Variants in PPM1L observed in about 807,000 individuals in gnomAD.
PPM1L encodes the protein protein phosphatase 1L.
A neutral mutation model predicts 31.4 loss-of-function variants in PPM1L; 13 were observed. The ratio of observed to expected loss-of-function variants is 0.41; its 90% CI spans 0.27 to 0.66. PPM1L has a LOEUF of 0.66. Among genes scored for constraint, PPM1L ranks in the 30% least tolerant of loss-of-function variants. The pLI is 0.29. For missense variants in PPM1L, 326 were observed against 453.7 expected (o/e 0.72, Z 2.56); for synonymous variants, 184 against 175.4 (o/e 1.05, Z -0.39).
chr3:160,844,996 ATC>A (rs2108108151), intron 1 of PPM1L, among the ~76,000 whole-genome samples: 1 of 152,222 alleles, frequency 6.6e-6, no homozygotes, highest in East Asian at 1.9e-4. Context: ...TATAAATAGA[ATC>A]TGTGGTCTTT....
rs1329479430 is a variant in PPM1L, at chr3:161,065,439, A to C, written c.611A>C (p.Asp204Ala). The change falls in exon 3 of 4, where the codon GAC (aspartate) becomes GCC (alanine). Residue 204 changes from aspartate to alanine, a missense_variant. Physicochemically the swap from Asp to Ala is moderately radical, Grantham distance 126. This residue lies in a region of PPM1L where 201 missense variants were observed against 298.2 expected (regional missense o/e 0.67). Transcript: ENST00000498165. ...TTGATTGCTCTGCTATCAGATAAAGACCTCACTGTGGCCAACGTGGGTGAC... is the reference window on the plus strand; with the variant it reads ...TTGATTGCTCTGCTATCAGATAAAGCCCTCACTGTGGCCAACGTGGGTGAC... ...TCLIALLSDK[D>A]LTVANVGDSR... is the part of the protein sequence containing the mutation. 1 of 1,614,012 alleles carries C rather than the reference A, an allele frequency of 6.2e-7. No homozygotes were observed.
At chr3:160,910,572 A>G (rs1713937469) in intron 1 of PPM1L, among the ~76,000 whole-genome samples, 1 of 152,024 alleles carries the variant, frequency 6.6e-6, no homozygotes, top group Non-Finnish European at 1.5e-5. Flanking sequence ...CGGCCTCCCA[A>G]AGTGTTGGGA....
intron 2 of PPM1L, among the ~76,000 whole-genome samples, chr3:161,030,976 TG>T (rs1431252700): frequency 6.6e-6 from 1 of 152,188 alleles, no homozygotes; most frequent in Non-Finnish European, 1.5e-5. Context: ...CAAATGGACT[TG>T]ATCTCAAAAA....
chr3:160,808,289 C>CTGTG (rs10545216), intron 1 of PPM1L, among the ~76,000 whole-genome samples: 3,283 of 136,114 alleles, frequency 0.024, 65 homozygotes, highest in African/African-American at 0.027. Flanking sequence ...GGATTTTCCT[C>CTGTG]TGTGTGTGTG....
In PPM1L at chr3:160,961,790, C is replaced by G; in HGVS notation, c.454C>G (p.Gln152Glu). Residue 152 changes from glutamine to glutamate, a missense_variant, in exon 2 of 4, where the codon CAG (glutamine) becomes GAG (glutamate). Coordinates refer to ENST00000498165, the MANE Select transcript of PPM1L (RefSeq NM_139245.4). ...CCCAGAGGCCCTTAAACAGCATCTT[C>G]AGGACTACGAGAAAGACAAAGAAAA... ...RLPEALKQHL[Q>E]DYEKDKENSV... The G allele has an allele frequency of 1.2e-6, 2 of 1,603,968 alleles. No homozygotes were observed. The highest frequency in any genetic ancestry group is 1.7e-6 in the Non-Finnish European group (2 of 1,175,874).
intron 1 of PPM1L, among the ~76,000 whole-genome samples, chr3:160,918,094 G>A (rs1714255252): frequency 6.6e-6 from 1 of 152,112 alleles, no homozygotes; most frequent in East Asian, 1.9e-4. Flanking sequence ...AATTTTCTCT[G>A]GGAAAAACTG....
Position 161,071,529 on chromosome 3 carries a change from CAATT to C in PPM1L, c.*2377_*2380del, listed in dbSNP as rs1719918675. 1 of 152,162 alleles carries C rather than the reference CAATT, an allele frequency of 6.6e-6. No homozygotes were observed. Among genetic ancestry groups the C allele is most frequent in the African/African-American group, 2.4e-5 (1 of 41,446 alleles). The allele number at this position is 152,162 out of a possible 1,614,324, so 9.4% of individuals were successfully genotyped here. On this transcript the variant is annotated 3_prime_UTR_variant, in exon 4 of 4. Coordinates refer to ENST00000498165, the MANE Select transcript of PPM1L (RefSeq NM_139245.4). ...GGCGTCTTCTAAATTTTGCTTTGTA[CAATT>C]AATTCATTTCTGATGTTAACCAAAT...
chr3:160,756,771 G>GTGTGTGTC lies in PPM1L; in HGVS notation c.399+71_399+72insCTGTGTGT. ...ATGTCTCGTGTGTGTGTGTGTGTGT[G>GTGTGTGTC]TGTGTGTGTGTGTGTGTGTATAAAC... On this transcript the variant is annotated intron_variant, in intron 1 of 3. Transcript: ENST00000498165. This position sits in a 1 kb window ranked among gnomAD's most constrained non-coding sequence, Gnocchi z 6.2. 7.2e-7 allele frequency: 1 copy of GTGTGTGTC among 1,383,800 alleles called. No homozygotes were observed. The highest frequency in any genetic ancestry group is 9.8e-7 in the Non-Finnish European group (1 of 1,020,166). The allele number at this position is 1,383,800 out of a possible 1,614,324, so 85.7% of individuals were successfully genotyped here. A position where few individuals can be genotyped will look rare whatever the true frequency, so the allele number is the denominator to read the frequency against.
chr3:160,996,323 A>G (rs1354550621), intron 2 of PPM1L, among the ~76,000 whole-genome samples: 1 of 152,216 alleles, frequency 6.6e-6, no homozygotes, highest in Non-Finnish European at 1.5e-5. Flanking sequence ...CATTATACGA[A>G]AAAGATACTT....
In PPM1L at chr3:161,068,868, G is replaced by A. The variant is rs1214162439; in HGVS notation, c.794G>A (p.Arg265Gln). The change falls in exon 4 of 4, where the codon CGG (arginine) becomes CAG (glutamine). Residue 265 changes from arginine to glutamine, a missense_variant. Transcript: ENST00000498165. ...GTCCAGGGAATCCTGGCCATGTCTC[G>A]GTCCCTGGGGGATTATCCGCTGAAA... Reference protein sequence around the residue: ...WRVQGILAMSRSLGDYPLKNL... With the variant: ...WRVQGILAMSQSLGDYPLKNL... 2.5e-6 allele frequency: 4 copies of A among 1,613,936 alleles called. No homozygotes were observed. The highest frequency in any genetic ancestry group is 1.3e-5 in the African/African-American group (1 of 74,868).
chr3:161,007,862 G>T (rs929414952), intron 2 of PPM1L, among the ~76,000 whole-genome samples: 1 of 152,044 alleles, frequency 6.6e-6, no homozygotes, highest in African/African-American at 2.4e-5. Flanking sequence ...CTGGCAGCAG[G>T]GTAGGTAATA....
intron 2 of PPM1L, among the ~76,000 whole-genome samples, chr3:161,038,585 T>TTAAA (rs1491487482): frequency 9.0e-6 from 1 of 110,584 alleles, no homozygotes; most frequent in African/African-American, 3.1e-5. Flanking sequence ...GGATTTGTTT[T>TTAAA]AAAAAAAAAA....
intron 1 of PPM1L, among the ~76,000 whole-genome samples, chr3:160,897,007 A>G (rs1458047369): frequency 6.7e-6 from 1 of 149,786 alleles, no homozygotes; most frequent in Non-Finnish European, 1.5e-5. Flanking sequence ...TAGTCTAGTC[A>G]CAGTCAGTGG....
intron 1 of PPM1L, among the ~76,000 whole-genome samples, chr3:160,954,940 CTTCCTTCCTTCCTTCCTTCCTTTCCT>C (rs1715712474): frequency 3.8e-5 from 2 of 52,682 alleles, no homozygotes; most frequent in Admixed American, 1.8e-4. Context: ...TCCTTCCTTC[CTTCCTTCCTTCCTTCCTTCCTTTCCT>C]TTCCTTTCCT....
At chr3:160,976,789 G>A (rs1458379361) in intron 2 of PPM1L, among the ~76,000 whole-genome samples, 9 of 151,898 alleles carry the variant, frequency 5.9e-5, no homozygotes, top group Admixed American at 2.0e-4. Flanking sequence ...GTCTGCTAGC[G>A]GTCTATCAGT....
chr3:160,909,457 T>C lies in PPM1L; in HGVS notation c.400-52279T>C, dbSNP rs77212664. Among the ~76,000 whole-genome samples the C allele has an allele frequency of 4.9e-4, 74 of 152,274 alleles. 1 individual carries two copies. In the East Asian group the frequency reaches 0.011, roughly 23 times the overall value. ...AAATTCGATTTTAGACTTATTAAGT[T>C]TGAGGTATTAGCACTGGTCTAATGT... On this transcript the variant is annotated intron_variant, in intron 1 of 3. Transcript: ENST00000498165.
At chr3:160,935,212 TC>T (rs1382293202) in intron 1 of PPM1L, among the ~76,000 whole-genome samples, 1 of 152,172 alleles carries the variant, frequency 6.6e-6, no homozygotes, top group African/African-American at 2.4e-5. Flanking sequence ...CTGCTCAACT[TC>T]TTTTGATTAT....
intron 2 of PPM1L, among the ~76,000 whole-genome samples, chr3:160,964,693 TC>T (rs1188085157): frequency 6.6e-6 from 1 of 151,964 alleles, no homozygotes; most frequent in Non-Finnish European, 1.5e-5. Context: ...TCTAGCAACA[TC>T]TATTTGATAA....
At chr3:160,938,731 A>C (rs1196966835) in intron 1 of PPM1L, among the ~76,000 whole-genome samples, 1 of 152,222 alleles carries the variant, frequency 6.6e-6, no homozygotes, top group Admixed American at 6.5e-5. Flanking sequence ...ACTGACAGCC[A>C]GTGAGGTTAA....
Sources: gnomAD v4.1 joint callset for allele counts (sites outside exome capture counted in the v4.1 genomes callset) on GRCh38, gnomAD v4.1.1 for gene constraint, gnomAD v4.1.1 regional missense constraint, Gnocchi (gnomAD v3.1) non-coding constraint, MANE v1.5 for transcripts, NCBI Gene and HGNC (gene_info 2026-07-23, HGNC 2026-07-21) for gene names.